RNF17: variants seen among roughly 807,000 people sequenced by gnomAD.
RNF17 encodes spermatogenesis associated 23.
In RNF17, 31 loss-of-function variants were observed where a neutral mutation model predicts 200.5. That is an observed-to-expected ratio of 0.15 (90% CI 0.12 to 0.21). The LOEUF (loss-of-function observed/expected upper bound fraction) is 0.21, where lower values mean the gene tolerates loss of function less well. RNF17 is among the 10% of genes least tolerant of loss of function. RNF17 has a pLI of 1.00. For synonymous variants in RNF17, 606 were observed against 637.8 expected (o/e 0.95, Z 0.75); for missense variants, 1,628 against 1,905.1 (o/e 0.85, Z 2.71).
chr13:24,888,453 G>C, the RNF17 span, among the ~76,000 whole-genome samples: 1 of 152,128 alleles, frequency 6.6e-6, no homozygotes, highest in African/African-American at 2.4e-5. Context: ...CTAAATGTAA[G>C]AAAACATGCT....
At chr13:24,753,495 G>A in the RNF17 span, among the ~76,000 whole-genome samples, 3 of 152,314 alleles carry the variant, frequency 2.0e-5, no homozygotes, top group African/African-American at 4.8e-5. Flanking sequence ...GGCCAGGGAC[G>A]TTGGGACTGA....
At chr13:24,798,808 C>A (rs1884908924) in intron 11 of RNF17, among the ~76,000 whole-genome samples, 1 of 151,916 alleles carries the variant, frequency 6.6e-6, no homozygotes, top group Non-Finnish European at 1.5e-5. Context: ...AATTTGTAAT[C>A]CAACTGGTCC....
intron 18 of RNF17, among the ~76,000 whole-genome samples, chr13:24,841,638 A>C (rs1890648131): frequency 6.6e-6 from 1 of 152,198 alleles, no homozygotes; most frequent in Admixed American, 6.5e-5. Flanking sequence ...CAAATGAAAG[A>C]AATTAAGTTT....
At chr13:24,779,288 TAATG>T (rs1417931461) in intron 4 of RNF17, among the ~76,000 whole-genome samples, 1 of 152,198 alleles carries the variant, frequency 6.6e-6, no homozygotes. Context: ...GTGTAAATCT[TAATG>T]GAGTCAAATT....
chr13:24,798,644 T>G (rs1177235171), intron 11 of RNF17, among the ~76,000 whole-genome samples: 1 of 152,194 alleles, frequency 6.6e-6, no homozygotes, highest in Admixed American at 6.5e-5. Context: ...TTCTACCTAG[T>G]TTTCCTCACC....
At chr13:24,796,555 A>G (rs1884597163) in intron 11 of RNF17, among the ~76,000 whole-genome samples, 1 of 152,150 alleles carries the variant, frequency 6.6e-6, no homozygotes, top group Non-Finnish European at 1.5e-5. Context: ...TTAAAACTAC[A>G]AGACCCATGA....
At chr13:24,788,849 T>C (rs1367716382) in intron 7 of RNF17, among the ~76,000 whole-genome samples, 4 of 152,150 alleles carry the variant, frequency 2.6e-5, no homozygotes, top group African/African-American at 9.7e-5. Context: ...ATCAGGTGTA[T>C]AGAAGAGAAG....
intron 20 of RNF17, 124 bp downstream of exon 20, chr13:24,844,095 C>T: frequency 2.8e-6 from 1 of 363,458 alleles, no homozygotes; most frequent in Non-Finnish European, 4.8e-6. Context: ...ACTAAGTAGT[C>T]TCAGCTAGTT....
chr13:24,803,103 T>C (rs1593290380), intron 14 of RNF17, among the ~76,000 whole-genome samples: 1 of 148,242 alleles, frequency 6.7e-6, no homozygotes, highest in African/African-American at 2.5e-5. Context: ...GCTCAAAATA[T>C]AAAGTATGTA....
intron 25 of RNF17, among the ~76,000 whole-genome samples, chr13:24,856,121 G>A (rs537818765): frequency 7.9e-5 from 12 of 151,918 alleles, no homozygotes; most frequent in South Asian, 6.2e-4. Flanking sequence ...TTTGTATCTC[G>A]TTTTAAATCC....
chr13:24,788,529 C>CT (rs564172009), intron 7 of RNF17, among the ~76,000 whole-genome samples: 178 of 152,148 alleles, frequency 1.2e-3, no homozygotes, highest in Non-Finnish European at 2.1e-3. Context: ...GAATAGGACT[C>CT]TATTTTGTTC....
chr13:24,849,661 T>G (rs1303234590), intron 22 of RNF17, among the ~76,000 whole-genome samples: 1 of 152,232 alleles, frequency 6.6e-6, no homozygotes, highest in Non-Finnish European at 1.5e-5. Flanking sequence ...TTTCAAACTA[T>G]GCATTACTGT....
chr13:24,793,967 C>G (rs376640761), intron 10 of RNF17, among the ~76,000 whole-genome samples: 1 of 152,168 alleles, frequency 6.6e-6, no homozygotes, highest in South Asian at 2.1e-4. Context: ...TAGAAAAGGA[C>G]ACACTTCTTT....
chr13:24,822,784 A>G (rs149365732), intron 15 of RNF17, among the ~76,000 whole-genome samples: 2 of 152,328 alleles, frequency 1.3e-5, no homozygotes, highest in East Asian at 3.9e-4. Context: ...TGAATATAAA[A>G]TGAAATGACA....
intron 2 of RNF17, among the ~76,000 whole-genome samples, chr13:24,772,605 A>G (rs1323645676): frequency 6.6e-6 from 1 of 150,770 alleles, no homozygotes; most frequent in Non-Finnish European, 1.5e-5. Context: ...ATGAACAGAC[A>G]CTTCTTTTTT....
At chr13:24,837,316 A>C (rs1890122810) in intron 18 of RNF17, among the ~76,000 whole-genome samples, 1 of 152,220 alleles carries the variant, frequency 6.6e-6, no homozygotes, top group Admixed American at 6.5e-5. Context: ...TAGACAGGTC[A>C]TCAAGACAGT....
In RNF17 at chr13:24,802,516, A is replaced by G. The variant is rs1350380083; in HGVS notation, c.1894A>G (p.Ser632Gly). The part of the protein sequence containing the change: ...DLQKPPPNKI[S>G]SDMPVSLRDA... ...GCAAAAACCACCACCGAATAAAATA[A>G]GCAGTGATATGCCTGTGTCTCTTAG... Residue 632 changes from serine to glycine, a missense_variant, in exon 14 of 36, where the codon AGC (serine) becomes GGC (glycine). By Grantham distance (56) the Ser-to-Gly change is moderately conservative (BLOSUM62 0). Around this residue, in one of 5 missense-constraint regions of RNF17, gnomAD observed 289 missense variants for 384.9 expected, o/e 0.75. Transcript: ENST00000255324. 6.2e-7 allele frequency: 1 copy of G among 1,614,118 alleles called. No individual in the cohort carries two copies. The highest frequency in any genetic ancestry group is 8.5e-7 in the Non-Finnish European group (1 of 1,179,986).
intron 3 of RNF17, among the ~76,000 whole-genome samples, chr13:24,775,827 G>GT (rs1248723801): frequency 6.6e-6 from 1 of 152,086 alleles, no homozygotes; most frequent in East Asian, 1.9e-4. Flanking sequence ...CTGCTAGTCT[G>GT]TAAGCCCCTT....
intron 15 of RNF17, among the ~76,000 whole-genome samples, chr13:24,805,476 T>C (rs899524222): frequency 6.6e-6 from 1 of 152,236 alleles, no homozygotes; most frequent in African/African-American, 2.4e-5. Context: ...ATCTGGCTTC[T>C]TTCACTTCAA....
Sources: allele counts gnomAD v4.1 joint callset (sites outside exome capture counted in the v4.1 genomes callset), GRCh38; gene constraint gnomAD v4.1.1; regional missense constraint gnomAD v4.1.1; transcripts MANE v1.5; gene names NCBI Gene and HGNC (gene_info 2026-07-23, HGNC 2026-07-21).